The following CFLAR variants were observed in gnomAD, a reference collection of about 807,000 sequenced individuals.
CFLAR encodes the protein CASP8 and FADD-like apoptosis regulator.
In CFLAR, 14 loss-of-function variants were observed where a neutral mutation model predicts 51.1. The ratio of observed to expected loss-of-function variants is 0.27; its 90% confidence interval spans 0.18 to 0.43. The LOEUF (loss-of-function observed/expected upper bound fraction) is 0.43, where lower values mean the gene tolerates loss of function less well. CFLAR is among the 20% of genes least tolerant of loss of function. The pLI, the probability that CFLAR is intolerant of heterozygous loss-of-function variation, is 1.00. For synonymous variants in CFLAR, 210 were observed against 211.6 expected (o/e 0.99, Z 0.06); for missense variants, 390 against 566.5 (o/e 0.69, Z 3.16).
intron 1 of CFLAR, among the ~76,000 whole-genome samples, chr2:201,128,693 T>C (rs2048939719): frequency 6.6e-6 from 1 of 152,230 alleles, no homozygotes; most frequent in African/African-American, 2.4e-5. Flanking sequence ...AATTTAGAGT[T>C]GGGTTGTGTT....
intron 4 of CFLAR, chr2:201,140,144 T>G: frequency 3.1e-6 from 1 of 322,944 alleles, no homozygotes; most frequent in Non-Finnish European, 5.5e-6. Flanking sequence ...GGGCGGGGGC[T>G]GCGGCAGCGG....
intron 2 of CFLAR, among the ~76,000 whole-genome samples, chr2:201,132,422 G>T (rs1158997482): frequency 7.8e-6 from 1 of 128,216 alleles, no homozygotes; most frequent in African/African-American, 3.5e-5. Context: ...ATTTCCTAGG[G>T]GGGGAAAAAT....
rs1199900884 is a variant in CFLAR, at chr2:201,170,752, G to A, written c.*6779G>A. 6.6e-6 allele frequency: 1 copy of A among 152,138 alleles called. No individual in the cohort carries two copies. The highest frequency in any genetic ancestry group is 2.4e-5 in the African/African-American group (1 of 41,410). The allele number at this position is 152,138 out of a possible 1,614,324, so 9.4% of individuals were successfully genotyped here. On this transcript the variant is annotated 3_prime_UTR_variant, in exon 10 of 10. Coordinates refer to ENST00000309955, the MANE Select transcript of CFLAR (RefSeq NM_003879.7). ...GCTTTTACATGATTGGAATCATAAT[G>A]CATATTCCATTTTGAAGTCTGCTTT...
intron 9 of CFLAR, chr2:201,163,487 C>G: frequency 9.0e-7 from 1 of 1,115,098 alleles, no homozygotes; most frequent in East Asian, 6.1e-5. Context: ...CAGCAGGAAG[C>G]GGGGGTTAGA....
intron 8 of CFLAR, 110 bp downstream of exon 8, chr2:201,149,945 A>G (rs1329433686): frequency 2.5e-6 from 2 of 810,430 alleles, no homozygotes; most frequent in Non-Finnish European, 4.2e-6. Context: ...AACCAGTTCA[A>G]GAATCTGTGC....
Position 201,138,709 on chromosome 2 carries a change from G to T in CFLAR, c.524-1648G>T. The T allele has an allele frequency of 1.2e-6, 1 of 810,636 alleles. No individual in the cohort carries two copies. Among genetic ancestry groups the T allele is most frequent in the Non-Finnish European group, 2.2e-6 (1 of 458,364 alleles). The allele number at this position is 810,636 out of a possible 1,614,324, so 50.2% of individuals were successfully genotyped here. On this transcript the variant is annotated intron_variant, in intron 4 of 9. Transcript: ENST00000309955. This position sits in a 1 kb window ranked among gnomAD's most constrained non-coding sequence, Gnocchi z 4.0. ...TGCAAGGGGCTCAGCACCACGGGGT[G>T]TGTGATAAAGCCCGGTTCAAACTTC...
In CFLAR at chr2:201,135,791, A is replaced by AT. The variant is rs535524387; in HGVS notation, c.388-173dup. 1.5e-3 allele frequency among the ~76,000 whole-genome samples: 221 copies of AT among 151,682 alleles called. 1 individual carries two copies. The Middle Eastern group carries it at 0.034, about 23-fold the overall frequency. On this transcript the variant is annotated intron_variant, in intron 3 of 9. Transcript: ENST00000309955. Reference sequence around the variant, plus strand: ...AGGTGTGTGCCAACACACTCAGCTTATTTTTTTTATTTTTTGTAGAGATGG... The same window carrying AT: ...AGGTGTGTGCCAACACACTCAGCTTATTTTTTTTTATTTTTTGTAGAGATGG...
intron 8 of CFLAR, among the ~76,000 whole-genome samples, chr2:201,158,879 T>TATTATTATTATC (rs1335920731): frequency 2.1e-5 from 3 of 145,020 alleles, no homozygotes; most frequent in African/African-American, 7.5e-5. Context: ...TTATTATTAT[T>TATTATTATTATC]ATTATTATTT....
Position 201,129,973 on chromosome 2 carries a change from T to C in CFLAR, c.108T>C (p.Asn36=), listed in dbSNP as rs774568404. The change falls in exon 2 of 10, where the codon AAT becomes AAC. Residue 36 remains asparagine, a synonymous_variant. Transcript: ENST00000309955. ...RDVAIDVVPP[N]VRDLLDILRE... ...TTGCTATAGATGTGGTTCCACCTAA[T>C]GTCAGGGACCTTCTGGATATTTTAC... The C allele has an allele frequency of 6.2e-6, 10 of 1,614,082 alleles. No individual in the cohort carries two copies. Among genetic ancestry groups the C allele is most frequent in the African/African-American group, 1.3e-5 (1 of 74,912 alleles).
At chr2:201,149,317 G>A (rs1015871686) in intron 7 of CFLAR, 7 of 361,508 alleles carry the variant, frequency 1.9e-5, no homozygotes, top group African/African-American at 4.2e-5. Context: ...ATATTAGTCA[G>A]CAGTGATACT....
At chr2:201,154,083 T>TC in intron 8 of CFLAR, 1 of 304,014 alleles carries the variant, frequency 3.3e-6, no homozygotes, top group South Asian at 2.6e-5. Context: ...TTTTCTTTTT[T>TC]CTTTTTATAT....
At position 201,130,149 on chromosome 2, in the gene CFLAR, A is replaced by ATGGCAGAG; in HGVS notation, c.281+3_281+4insTGGCAGAG. On this transcript the variant is annotated splice_donor_region_variant and intron_variant, in intron 2 of 9. Transcript: ENST00000309955. ...CCTCACCTTGTTTCGGACTATAGGT[A>ATGGCAGAG]ATTCATCAACTCTTCCTGAGGCTGG... 1 of 1,375,608 alleles carries ATGGCAGAG rather than the reference A, an allele frequency of 7.3e-7. No homozygotes were observed. Among genetic ancestry groups the ATGGCAGAG allele is most frequent in the Non-Finnish European group, 9.7e-7 (1 of 1,030,028 alleles). The allele number at this position is 1,375,608 out of a possible 1,614,324, so 85.2% of individuals were successfully genotyped here.
chr2:201,140,039 AC>A, intron 4 of CFLAR: 4 of 279,780 alleles, frequency 1.4e-5, no homozygotes, highest in Non-Finnish European at 2.1e-5. Flanking sequence ...CTGCCGCGAG[AC>A]CCCGCGACCC....
At chr2:201,163,341 CT>C in intron 9 of CFLAR, 1 of 1,181,714 alleles carries the variant, frequency 8.5e-7, no homozygotes. Context: ...ATTAACTGGC[CT>C]TTTTCAGTTG....
chr2:201,138,139 G>A lies in CFLAR; in HGVS notation c.523+2032G>A. 2.5e-6 allele frequency: 2 copies of A among 807,232 alleles called. No homozygotes were observed. The highest frequency in any genetic ancestry group is 4.4e-6 in the Non-Finnish European group (2 of 449,892). 50.0% of individuals were successfully genotyped at this position (807,232 alleles called of 1,614,324 possible). On this transcript the variant is annotated intron_variant, in intron 4 of 9. Transcript: ENST00000309955. The surrounding 1 kb of genome is among the most constrained non-coding windows in gnomAD (Gnocchi z 4.0). ...CAGCGTCAATCAGGTTGTTGGCCTGGGCTGCTGTCACCACGTTCCCCCCAA... is the reference window on the plus strand; with the variant it reads ...CAGCGTCAATCAGGTTGTTGGCCTGAGCTGCTGTCACCACGTTCCCCCCAA...
chr2:201,132,147 AGAT>A (rs2049397596), intron 2 of CFLAR, among the ~76,000 whole-genome samples: 1 of 152,060 alleles, frequency 6.6e-6, no homozygotes, highest in African/African-American at 2.4e-5. Flanking sequence ...TGATGAGTGG[AGAT>A]TCTTCAGGCC....
In CFLAR at chr2:201,168,233, C is replaced by T. The variant is rs937504138; in HGVS notation, c.*4260C>T. 11 of 152,142 alleles carry T rather than the reference C, an allele frequency of 7.2e-5. No homozygotes were observed. The highest frequency in any genetic ancestry group is 2.7e-4 in the African/African-American group (11 of 41,414). 9.4% of individuals were successfully genotyped at this position (152,142 alleles called of 1,614,324 possible). On this transcript the variant is annotated 3_prime_UTR_variant, in exon 10 of 10. Coordinates refer to ENST00000309955, the MANE Select transcript of CFLAR (RefSeq NM_003879.7). ...CTCCAGCCTGGGCGACAGTGCGAGACTCTGTCTCAAAAATAAATAAATAAA... is the reference window on the plus strand; with the variant it reads ...CTCCAGCCTGGGCGACAGTGCGAGATTCTGTCTCAAAAATAAATAAATAAA...
At chr2:201,146,172 A>G (rs1169576036) in intron 6 of CFLAR, 2 of 148,870 alleles carry the variant, frequency 1.3e-5, no homozygotes, top group Admixed American at 6.7e-5. Flanking sequence ...TTTGAGACAG[A>G]GTCTTGCTCT....
In CFLAR at chr2:201,124,322, G is replaced by GTGTTT. The variant is rs376685674; in HGVS notation, c.-137-5385_-137-5381dup. Among the ~76,000 whole-genome samples the GTGTTT allele has an allele frequency of 4.7e-4, 71 of 152,226 alleles. No individual in the cohort carries two copies. The highest frequency in any genetic ancestry group is 7.9e-4 in the Admixed American group (12 of 15,276). On this transcript the variant is annotated intron_variant, in intron 1 of 9. Transcript: ENST00000309955. The surrounding 1 kb of genome is among the most constrained non-coding windows in gnomAD (Gnocchi z 4.7). ...AAGTGTGTTAAGTGCTTCAATAGAG[G>GTGTTT]TGTTTTGTTTTGTTTTGTTTTGTTT...
Sources: gnomAD v4.1 joint callset for allele counts (sites outside exome capture counted in the v4.1 genomes callset) on GRCh38, gnomAD v4.1.1 for gene constraint, Gnocchi (gnomAD v3.1) non-coding constraint, MANE v1.5 for transcripts, NCBI Gene and HGNC (gene_info 2026-07-23, HGNC 2026-07-21) for gene names.